The following H2BC18 variants were observed in gnomAD, a reference collection of about 807,000 sequenced individuals.
H2BC18 encodes histone H2B type 2-F.
A neutral mutation model predicts 6.3 loss-of-function variants in H2BC18; 8 were observed. The observed-to-expected ratio is 1.28, with a 90% CI of 0.75 to 2.31. H2BC18 has a LOEUF of 2.31. H2BC18 is among the 30% of genes most tolerant of loss of function. The pLI is 0.00. For missense variants in H2BC18, 106 were observed against 174.5 expected (o/e 0.61, Z 2.21); for synonymous variants, 104 against 78.1 (o/e 1.33, Z -1.75).
In H2BC18 at chr1:149,811,976, G is replaced by T. The variant is rs782203867; in HGVS notation, c.348C>A (p.Thr116=). ...ELAKHAVSEG[T]KAVTKYTSSK Reference sequence around the variant, plus strand: ...AGCTGGTGTACTTGGTGACCGCCTTGGTGCCCTCGGACACGGCGTGCTTGG... The same window carrying T: ...AGCTGGTGTACTTGGTGACCGCCTTTGTGCCCTCGGACACGGCGTGCTTGG... Residue 116 remains threonine, a synonymous_variant, in exon 1 of 1, where the codon ACC becomes ACA. Transcript: ENST00000369167. The T allele has an allele frequency of 6.2e-7, 1 of 1,613,524 alleles. No individual in the cohort carries two copies. Among genetic ancestry groups the T allele is most frequent in the Non-Finnish European group, 8.5e-7 (1 of 1,179,728 alleles).
chr1:149,795,809 CA>C (rs2091794300), intron 1 of H2BC18, among the ~76,000 whole-genome samples: 1 of 151,844 alleles, frequency 6.6e-6, no homozygotes, highest in South Asian at 2.1e-4. Context: ...TTTTTAGATG[CA>C]AACCTGCTGA....
chr1:149,787,956 C>T (rs587735084), intron 1 of H2BC18: 1 of 298,606 alleles, frequency 3.3e-6, no homozygotes, highest in East Asian at 8.5e-5. Flanking sequence ...TAGAGTCTTA[C>T]ATAATGTAGC....
In H2BC18 at chr1:149,784,154, C is replaced by T. The variant is rs782267768; in HGVS notation, c.378-894G>A. 5.2e-5 allele frequency: 83 copies of T among 1,611,582 alleles called. 1 individual carries two copies. In the South Asian group the frequency reaches 8.7e-4, roughly 17 times the overall value. On this transcript the variant is annotated intron_variant, in intron 1 of 1. Transcript: ENST00000545683. ...GCACAGCCACTCAGACCTCGACCCCCAGCTACAGAATCACCTCTGCCAGTG... is the reference window on the plus strand; with the variant it reads ...GCACAGCCACTCAGACCTCGACCCCTAGCTACAGAATCACCTCTGCCAGTG...
chr1:149,785,969 A>C (rs1438520112), intron 1 of H2BC18: 1 of 152,076 alleles, frequency 6.6e-6, no homozygotes, highest in Non-Finnish European at 1.5e-5. Flanking sequence ...CATGTTGTAA[A>C]TTGAAGTTCA....
intron 1 of H2BC18, chr1:149,792,722 C>T (rs1553752177): frequency 3.9e-6 from 5 of 1,283,770 alleles, no homozygotes; most frequent in South Asian, 1.2e-5. Flanking sequence ...CGCGCTTCTC[C>T]GCAGCTCCGC....
intron 1 of H2BC18, chr1:149,787,131 A>G (rs1559744303): frequency 6.6e-6 from 1 of 152,246 alleles, no homozygotes; most frequent in Non-Finnish European, 1.5e-5. Flanking sequence ...GCAGTCTTTC[A>G]GCATCTGCTG....
chr1:149,802,417 C>T (rs1355586919), intron 1 of H2BC18, among the ~76,000 whole-genome samples: 1 of 151,980 alleles, frequency 6.6e-6, no homozygotes, highest in African/African-American at 2.4e-5. Flanking sequence ...AGTAAGTAAA[C>T]ATTCCAAACT....
At chr1:149,805,856 G>C (rs1166511203) in intron 1 of H2BC18, among the ~76,000 whole-genome samples, 6 of 151,584 alleles carry the variant, frequency 4.0e-5, no homozygotes, top group Non-Finnish European at 8.8e-5. Flanking sequence ...CAACAAATAA[G>C]TCTTTAAAAA....
At chr1:149,811,602 A>G, downstream of H2BC18, 1 of 320,446 alleles carries the variant, frequency 3.1e-6, no homozygotes, top group Non-Finnish European at 5.9e-6. Flanking sequence ...TTAAAGATAC[A>G]GGTTAAAGGC....
At chr1:149,793,314 C>T in intron 1 of H2BC18, 11 of 1,156,296 alleles carry the variant, frequency 9.5e-6, no homozygotes, top group Non-Finnish European at 1.2e-5. Flanking sequence ...GAGGACCTCC[C>T]AGCTGGTTCC....
chr1:149,796,944 G>A lies in H2BC18; in HGVS notation c.378-13684C>T, dbSNP rs370332506. On this transcript the variant is annotated intron_variant, in intron 1 of 1. Coordinates refer to the H2BC18 transcript ENST00000545683. ...TGTTTGTTTTTTGAGACAGAGTTTCGTTGTGTCACCCAGGCTGGAGTGCAG... is the reference window on the plus strand; with the variant it reads ...TGTTTGTTTTTTGAGACAGAGTTTCATTGTGTCACCCAGGCTGGAGTGCAG... Among the ~76,000 whole-genome samples, 55 of 152,180 alleles carry A rather than the reference G, an allele frequency of 3.6e-4. No homozygotes were observed. The Middle Eastern group carries it at 0.017, about 47-fold the overall frequency.
At chr1:149,789,374 C>G (rs1311826026) in intron 1 of H2BC18, among the ~76,000 whole-genome samples, 4 of 148,642 alleles carry the variant, frequency 2.7e-5, no homozygotes, top group East Asian at 3.9e-4. Flanking sequence ...GCCTGGGCAA[C>G]AGAGCGAGAC....
chr1:149,785,830 A>C (rs587710834), intron 1 of H2BC18: 37 of 152,188 alleles, frequency 2.4e-4, no homozygotes, highest in African/African-American at 8.4e-4. Flanking sequence ...TCCACCCCTG[A>C]CACTGACTTC....
chr1:149,800,470 T>G (rs1425937993), intron 1 of H2BC18, among the ~76,000 whole-genome samples: 1 of 144,264 alleles, frequency 6.9e-6, no homozygotes, highest in Non-Finnish European at 1.5e-5. Context: ...CCAGCCCCCA[T>G]CCTGAAGCTA....
chr1:149,788,379 G>A, intron 1 of H2BC18: 1 of 1,612,932 alleles, frequency 6.2e-7, no homozygotes, highest in South Asian at 1.1e-5. Flanking sequence ...GGCTACTACT[G>A]CAGGTCTCCA....
intron 1 of H2BC18, among the ~76,000 whole-genome samples, chr1:149,789,553 G>A (rs2102054969): frequency 1.3e-5 from 2 of 152,306 alleles, no homozygotes; most frequent in South Asian, 2.1e-4. Flanking sequence ...TAGAGCAGGG[G>A]TTCCCAACCC....
chr1:149,789,772 G>A (rs1416518902), intron 1 of H2BC18, among the ~76,000 whole-genome samples: 3 of 152,070 alleles, frequency 2.0e-5, no homozygotes, highest in Admixed American at 6.5e-5. Flanking sequence ...TTCACCCCCC[G>A]GCTGTGGAAA....
chr1:149,812,092 C>A lies in H2BC18; in HGVS notation c.232G>T (p.Ala78Ser), dbSNP rs587697907. ...TTGTTGTAGTGCGCCAGGCGGGACGCCTCTCCCGCGATGCGCTCGAAGATG... is the reference window on the plus strand; with the variant it reads ...TTGTTGTAGTGCGCCAGGCGGGACGACTCTCCCGCGATGCGCTCGAAGATG... ...NDIFERIAGE[A>S]SRLAHYNKRS... Residue 78 changes from alanine (A) to serine (S), a missense_variant, in exon 1 of 1, where the codon GCG (alanine) becomes TCG (serine). Ala to Ser is a moderately conservative substitution (Grantham distance 99). Transcript: ENST00000369167. 1.2e-5 allele frequency: 20 copies of A among 1,614,262 alleles called. No homozygotes were observed. The South Asian group carries it at 1.9e-4, about 15-fold the overall frequency.
At chr1:149,808,254 C>T (rs1341464962), downstream of H2BC18, among the ~76,000 whole-genome samples, 6 of 152,204 alleles carry the variant, frequency 3.9e-5, no homozygotes, top group African/African-American at 1.2e-4. Flanking sequence ...ACTCGTCACA[C>T]AGAAAACTCC....
Sources: gnomAD v4.1 joint callset for allele counts (sites outside exome capture counted in the v4.1 genomes callset) on GRCh38, gnomAD v4.1.1 for gene constraint, MANE v1.5 for transcripts, NCBI Gene and HGNC (gene_info 2026-07-23, HGNC 2026-07-21) for gene names.